The following SEMA6D variants were observed in gnomAD, a reference collection of about 807,000 sequenced individuals.
The protein encoded by SEMA6D is semaphorin-6D.
A neutral mutation model predicts 106.6 loss-of-function variants in SEMA6D; 35 were observed. That is an observed-to-expected ratio of 0.33 (90% CI 0.25 to 0.44). The LOEUF is 0.44. Ranked by LOEUF, SEMA6D falls within the 20% of genes least tolerant of loss-of-function variation. The pLI is 1.00. For synonymous variants in SEMA6D, 499 were observed against 487.7 expected (o/e 1.02, Z -0.31); for missense variants, 1,185 against 1,345.9 (o/e 0.88, Z 1.87).
At chr15:47,310,073 C>T (rs890198693) in intron 1 of SEMA6D, among the ~76,000 whole-genome samples, 1 of 152,170 alleles carries the variant, frequency 6.6e-6, no homozygotes, top group Non-Finnish European at 1.5e-5. Flanking sequence ...ACTATAAATT[C>T]TAAATTTCTG....
chr15:47,407,409 C>CAACAAAAAA (rs1567058212), intron 1 of SEMA6D, among the ~76,000 whole-genome samples: 4 of 118,864 alleles, frequency 3.4e-5, no homozygotes, highest in Admixed American at 9.7e-5. Flanking sequence ...ACAACAACAA[C>CAACAAAAAA]AAAAAAAACA....
At chr15:47,621,659 C>T (rs1197275975) in intron 4 of SEMA6D, among the ~76,000 whole-genome samples, 1 of 152,158 alleles carries the variant, frequency 6.6e-6, no homozygotes, top group Non-Finnish European at 1.5e-5. Flanking sequence ...TCTTCCTCCA[C>T]ACCCACAGCC....
chr15:47,226,672 G>T (rs1452125387), intron 1 of SEMA6D, among the ~76,000 whole-genome samples: 6 of 152,074 alleles, frequency 3.9e-5, no homozygotes, highest in African/African-American at 1.4e-4. Context: ...TAAGATAGCA[G>T]GAGAGGATCA....
intron 1 of SEMA6D, among the ~76,000 whole-genome samples, chr15:47,302,373 T>A (rs1435894651): frequency 1.3e-5 from 2 of 152,088 alleles, no homozygotes; most frequent in Non-Finnish European, 2.9e-5. Flanking sequence ...ACAATTTAGA[T>A]CAGATCCTGA....
At chr15:47,685,355 A>T (rs1596628564) in intron 4 of SEMA6D, among the ~76,000 whole-genome samples, 1 of 152,150 alleles carries the variant, frequency 6.6e-6, no homozygotes, top group African/African-American at 2.4e-5. Context: ...GAGAAGGGGG[A>T]TGAGGCAGAT....
intron 1 of SEMA6D, among the ~76,000 whole-genome samples, chr15:47,351,942 A>G (rs1167835516): frequency 6.6e-6 from 1 of 152,216 alleles, no homozygotes; most frequent in East Asian, 1.9e-4. Context: ...GATGTGTTCT[A>G]AGAGAATAAA....
At chr15:47,235,341 G>C (rs1455859247) in intron 1 of SEMA6D, among the ~76,000 whole-genome samples, 1 of 151,504 alleles carries the variant, frequency 6.6e-6, no homozygotes, top group African/African-American at 2.4e-5. Flanking sequence ...AGTTTAATTA[G>C]GTCCCATCAA....
chr15:47,638,839 A>G (rs1388140239), intron 4 of SEMA6D, among the ~76,000 whole-genome samples: 1 of 152,226 alleles, frequency 6.6e-6, no homozygotes, highest in Non-Finnish European at 1.5e-5. Context: ...CTGCCAGCAG[A>G]TGGATCAGGT....
chr15:47,748,248 G>A (rs180979167), intron 1 of SEMA6D, among the ~76,000 whole-genome samples: 3 of 152,176 alleles, frequency 2.0e-5, no homozygotes, highest in East Asian at 1.9e-4. Context: ...CTCAAGATTC[G>A]CTGTTGGGTT....
intron 3 of SEMA6D, among the ~76,000 whole-genome samples, chr15:47,473,914 C>A (rs760549560): frequency 6.6e-6 from 1 of 151,858 alleles, no homozygotes; most frequent in Non-Finnish European, 1.5e-5. Flanking sequence ...CTGGCTCTTA[C>A]ATGGGGCAAG....
chr15:47,510,836 T>G lies in SEMA6D; in HGVS notation c.-87+40291T>G, dbSNP rs529428019. 2.0e-5 allele frequency among the ~76,000 whole-genome samples: 3 copies of G among 152,294 alleles called. No individual in the cohort carries two copies. The South Asian group carries it at 6.2e-4, about 32-fold the overall frequency. On this transcript the variant is annotated intron_variant, in intron 3 of 19. Transcript: ENST00000558014. Reference sequence around the variant, plus strand: ...CCTTGAACGGGAGCAGGGAGACTCATCTGTGGACCTCACATCTCCTTCAAC... The same window carrying G: ...CCTTGAACGGGAGCAGGGAGACTCAGCTGTGGACCTCACATCTCCTTCAAC...
At chr15:47,397,041 T>C (rs2040234659) in intron 1 of SEMA6D, among the ~76,000 whole-genome samples, 1 of 152,202 alleles carries the variant, frequency 6.6e-6, no homozygotes, top group Admixed American at 6.5e-5. Context: ...TGTGGGGTCC[T>C]CTTGGGCCTA....
intron 2 of SEMA6D, among the ~76,000 whole-genome samples, chr15:47,448,340 T>C (rs1219514984): frequency 6.7e-6 from 1 of 150,282 alleles, no homozygotes; most frequent in Non-Finnish European, 1.5e-5. Flanking sequence ...ACAGCTGATC[T>C]GGTCCAAGAC....
At chr15:47,218,993 A>G (rs964754535) in intron 1 of SEMA6D, among the ~76,000 whole-genome samples, 9 of 152,184 alleles carry the variant, frequency 5.9e-5, no homozygotes, top group Admixed American at 5.2e-4. Flanking sequence ...TGACTTCTAT[A>G]TCTTATTTCC....
chr15:47,547,361 C>T (rs1226842148), intron 3 of SEMA6D, among the ~76,000 whole-genome samples: 3 of 152,256 alleles, frequency 2.0e-5, no homozygotes, highest in East Asian at 3.9e-4. Flanking sequence ...AATTAATACT[C>T]ACTGATTAGC....
At chr15:47,592,938 C>T (rs748255732) in intron 3 of SEMA6D, among the ~76,000 whole-genome samples, 13 of 152,086 alleles carry the variant, frequency 8.5e-5, no homozygotes, top group African/African-American at 1.2e-4. Flanking sequence ...AGAACGTATT[C>T]ACTAATGTAA....
intron 4 of SEMA6D, among the ~76,000 whole-genome samples, chr15:47,602,176 T>G (rs1566925932): frequency 6.6e-6 from 1 of 152,230 alleles, no homozygotes; most frequent in Non-Finnish European, 1.5e-5. Flanking sequence ...CTTACAATTC[T>G]ATACAGTAAC....
intron 1 of SEMA6D, among the ~76,000 whole-genome samples, chr15:47,266,966 C>T (rs913687494): frequency 1.2e-4 from 19 of 152,144 alleles, no homozygotes; most frequent in African/African-American, 4.6e-4. Flanking sequence ...CAATTTTCAT[C>T]TGTTTCACTG....
chr15:47,726,488 G>C (rs976243884), intron 1 of SEMA6D, among the ~76,000 whole-genome samples: 1 of 152,244 alleles, frequency 6.6e-6, no homozygotes, highest in Non-Finnish European at 1.5e-5. Flanking sequence ...CTAGTGACTA[G>C]TGGAACCAGG....
Sources: gnomAD v4.1 joint callset for allele counts (sites outside exome capture counted in the v4.1 genomes callset) on GRCh38, gnomAD v4.1.1 for gene constraint, MANE v1.5 for transcripts, NCBI Gene and HGNC (gene_info 2026-07-23, HGNC 2026-07-21) for gene names.